Variants in MACROD2 observed in about 807,000 individuals in gnomAD.
MACROD2 encodes the protein ADP-ribose glycohydrolase MACROD2.
A neutral mutation model predicts 70.4 loss-of-function variants in MACROD2; 36 were observed. The ratio of observed to expected loss-of-function variants is 0.51; its 90% CI spans 0.39 to 0.68. The LOEUF (loss-of-function observed/expected upper bound fraction) is 0.68. MACROD2 is among the 30% of genes least tolerant of loss of function. The pLI, the probability that MACROD2 is intolerant of heterozygous loss-of-function variation, is 0.00. For missense variants in MACROD2, 496 were observed against 538.4 expected, an observed-to-expected ratio of 0.92 and a Z score of 0.78; for synonymous variants, 172 against 178.8, an observed-to-expected ratio of 0.96 and a Z score of 0.30.
intron 8 of MACROD2, among the ~76,000 whole-genome samples, chr20:15,563,649 GC>G (rs2048273990): frequency 6.6e-6 from 1 of 152,094 alleles, no homozygotes; most frequent in African/African-American, 2.4e-5. Context: ...CATTTTCTTA[GC>G]AGAATAAATG....
intron 4 of MACROD2, among the ~76,000 whole-genome samples, chr20:14,510,075 T>G (rs1387805024): frequency 6.6e-6 from 1 of 152,190 alleles, no homozygotes. Flanking sequence ...AACTTAAAAA[T>G]TATTTAAGAC....
chr20:14,954,582 A>G (rs1489100528), intron 5 of MACROD2, among the ~76,000 whole-genome samples: 1 of 136,530 alleles, frequency 7.3e-6, no homozygotes, highest in African/African-American at 2.7e-5. Context: ...TGTATAAATT[A>G]TAAATTATAT....
chr20:14,332,224 G>C (rs1170421810), intron 3 of MACROD2, among the ~76,000 whole-genome samples: 2 of 151,918 alleles, frequency 1.3e-5, no homozygotes, highest in African/African-American at 4.8e-5. Context: ...CATTTATAAT[G>C]TAATCATCAA....
At chr20:14,468,527 G>A (rs1366242395) in intron 3 of MACROD2, among the ~76,000 whole-genome samples, 15 of 141,676 alleles carry the variant, frequency 1.1e-4, no homozygotes, top group South Asian at 2.2e-4. Flanking sequence ...GGGGGGGGGC[G>A]TTGGGGGCAC....
At chr20:14,908,973 G>A (rs994344836) in intron 5 of MACROD2, among the ~76,000 whole-genome samples, 29 of 152,154 alleles carry the variant, frequency 1.9e-4, no homozygotes, top group Non-Finnish European at 4.0e-4. Context: ...AGGCATGATG[G>A]GTTTGAAGTG....
At chr20:15,018,395 G>A (rs1026848529) in intron 5 of MACROD2, among the ~76,000 whole-genome samples, 1 of 152,226 alleles carries the variant, frequency 6.6e-6, no homozygotes, top group Middle Eastern at 3.4e-3. Context: ...AGCATTTTGG[G>A]CAAAGCTATT....
At chr20:14,941,799 T>G (rs1051246963) in intron 5 of MACROD2, among the ~76,000 whole-genome samples, 1 of 151,958 alleles carries the variant, frequency 6.6e-6, no homozygotes, top group Non-Finnish European at 1.5e-5. Context: ...TTTTCTTTTT[T>G]GTTTGTCAGG....
chr20:15,818,032 G>A (rs1174204428), intron 8 of MACROD2, among the ~76,000 whole-genome samples: 1 of 152,074 alleles, frequency 6.6e-6, no homozygotes, highest in East Asian at 1.9e-4. Flanking sequence ...GGGAACCCTT[G>A]CTCATTGTTC....
chr20:14,543,396 A>T (rs1004061440), intron 4 of MACROD2, among the ~76,000 whole-genome samples: 1 of 152,202 alleles, frequency 6.6e-6, no homozygotes, highest in South Asian at 2.1e-4. Context: ...TTTAAGTTTT[A>T]CATCTTTTAA....
intron 5 of MACROD2, among the ~76,000 whole-genome samples, chr20:14,728,545 A>T (rs1395743270): frequency 6.6e-6 from 1 of 152,212 alleles, no homozygotes; most frequent in African/African-American, 2.4e-5. Context: ...AGAATATGAG[A>T]CACTATTTTA....
At chr20:15,083,474 G>C (rs1349047370) in intron 5 of MACROD2, among the ~76,000 whole-genome samples, 1 of 152,072 alleles carries the variant, frequency 6.6e-6, no homozygotes, top group African/African-American at 2.4e-5. Flanking sequence ...TTGCTTATTT[G>C]TCACAACTTG....
chr20:15,932,712 A>G (rs1468867358), intron 10 of MACROD2, among the ~76,000 whole-genome samples: 3 of 152,230 alleles, frequency 2.0e-5, no homozygotes, highest in African/African-American at 7.2e-5. Flanking sequence ...ATAGTTGCTA[A>G]TATACAGCCT....
intron 8 of MACROD2, among the ~76,000 whole-genome samples, chr20:15,838,656 G>A (rs940091637): frequency 3.3e-5 from 5 of 152,124 alleles, no homozygotes; most frequent in East Asian, 3.8e-4. Flanking sequence ...GATAAAATCC[G>A]GTAGAGCACA....
chr20:16,026,940 C>A (rs2067088799), intron 15 of MACROD2, among the ~76,000 whole-genome samples: 1 of 152,256 alleles, frequency 6.6e-6, no homozygotes, highest in Middle Eastern at 3.4e-3. Context: ...CCTAGACACT[C>A]TTTCAGGTGT....
intron 9 of MACROD2, among the ~76,000 whole-genome samples, chr20:15,868,776 T>C (rs746053913): frequency 4.6e-5 from 7 of 152,072 alleles, no homozygotes; most frequent in Non-Finnish European, 8.8e-5. Context: ...ACTACTATTT[T>C]TTAAATTTGT....
chr20:14,384,321 G>A (rs1343563388), intron 3 of MACROD2, among the ~76,000 whole-genome samples: 9 of 152,062 alleles, frequency 5.9e-5, no homozygotes, highest in Admixed American at 5.2e-4. Context: ...TTGCCTTCAC[G>A]TGACTAATAT....
chr20:14,728,596 C>T (rs895075409), intron 5 of MACROD2, among the ~76,000 whole-genome samples: 2 of 152,018 alleles, frequency 1.3e-5, no homozygotes, highest in African/African-American at 4.8e-5. Flanking sequence ...GATGAGCTCC[C>T]GATATCTCTG....
At chr20:15,076,286 C>T (rs545440340) in intron 5 of MACROD2, among the ~76,000 whole-genome samples, 4 of 152,078 alleles carry the variant, frequency 2.6e-5, no homozygotes, top group South Asian at 2.1e-4. Context: ...TATTCTTATA[C>T]GATACAATAT....
At chr20:14,488,424 C>T (rs780353831) in intron 3 of MACROD2, among the ~76,000 whole-genome samples, 1 of 152,120 alleles carries the variant, frequency 6.6e-6, no homozygotes, top group Non-Finnish European at 1.5e-5. Context: ...TCTCATTTTG[C>T]ATTAGATGCA....
Sources: gnomAD v4.1 joint callset for allele counts (sites outside exome capture counted in the v4.1 genomes callset) on GRCh38, gnomAD v4.1.1 for gene constraint, MANE v1.5 for transcripts, NCBI Gene and HGNC (gene_info 2026-07-23, HGNC 2026-07-21) for gene names.